Variants in DIP2C observed in about 807,000 individuals in gnomAD.
DIP2C encodes DIP2 acetate--CoA ligase C (putative), also known as disco-interacting protein 2 homolog C.
A neutral mutation model predicts 192.4 loss-of-function variants in DIP2C; 33 were observed. The ratio of observed to expected loss-of-function variants is 0.17; its 90% confidence interval spans 0.13 to 0.23. The LOEUF (loss-of-function observed/expected upper bound fraction) is 0.23, where lower values mean the gene tolerates loss of function less well. Among genes scored for constraint, DIP2C ranks in the 10% least tolerant of loss-of-function variants. The probability of loss-of-function intolerance (pLI) is 1.00; values close to 1 mark genes in which losing one functional copy is unlikely to be tolerated. For missense variants in DIP2C, 1,537 were observed against 2,110.1 expected (o/e 0.73, Z 5.32); for synonymous variants, 979 against 864.1 (o/e 1.13, Z -2.33).
chr10:583,370 A>T (rs747511367), intron 1 of DIP2C, among the ~76,000 whole-genome samples: 1 of 152,260 alleles, frequency 6.6e-6, no homozygotes, highest in Non-Finnish European at 1.5e-5. Flanking sequence ...GAATTATCCC[A>T]GGGAGCCTGT....
chr10:447,783 G>C (rs1968400958), intron 3 of DIP2C, among the ~76,000 whole-genome samples: 1 of 115,284 alleles, frequency 8.7e-6, no homozygotes, highest in South Asian at 2.7e-4. Context: ...CTATACTCAG[G>C]ATCACACACA....
intron 6 of DIP2C, among the ~76,000 whole-genome samples, chr10:418,027 TGTCC>T: frequency 1.6e-5 from 1 of 62,680 alleles, no homozygotes; most frequent in African/African-American, 6.2e-5. Flanking sequence ...CAGGCCTCCC[TGTCC>T]ACCTGTTCCT....
chr10:504,960 TCA>T (rs1339484036), intron 1 of DIP2C, among the ~76,000 whole-genome samples: 2 of 152,170 alleles, frequency 1.3e-5, no homozygotes, highest in Admixed American at 6.5e-5. Flanking sequence ...CATGTGACTC[TCA>T]GTGCTAGGTT....
rs375103154 is a variant in DIP2C, at chr10:562,230, G to A, written c.86-75700C>T. Among the ~76,000 whole-genome samples the A allele has an allele frequency of 6.6e-5, 10 of 152,280 alleles. No homozygotes were observed. The East Asian group carries it at 7.7e-4, about 12-fold the overall frequency. On this transcript the variant is annotated intron_variant, in intron 1 of 36. Transcript: ENST00000280886. ...TGTTTAACACACACAGAGGATCCAC[G>A]TCAAAGGATTTTCCCTGTTCACCAA...
At chr10:290,874 C>A (rs1288983150) in intron 32 of DIP2C, among the ~76,000 whole-genome samples, 1 of 152,216 alleles carries the variant, frequency 6.6e-6, no homozygotes, top group Non-Finnish European at 1.5e-5. Context: ...CGTTTGAGAT[C>A]CTGTCGCTGG....
At chr10:560,460 G>T (rs1849146646) in intron 1 of DIP2C, among the ~76,000 whole-genome samples, 1 of 152,130 alleles carries the variant, frequency 6.6e-6, no homozygotes, top group South Asian at 2.1e-4. Context: ...TAATGTATCA[G>T]CACACAGACT....
chr10:521,886 C>A (rs189031030), intron 1 of DIP2C, among the ~76,000 whole-genome samples: 2 of 152,106 alleles, frequency 1.3e-5, no homozygotes, highest in East Asian at 1.9e-4. Flanking sequence ...TCCCCCACCC[C>A]CACCGGACCA....
In DIP2C at chr10:392,584, C is replaced by T. The variant is rs1025489998; in HGVS notation, c.1261-1721G>A. Among the ~76,000 whole-genome samples the T allele has an allele frequency of 4.6e-5, 7 of 152,324 alleles. No homozygotes were observed. In the East Asian group the frequency reaches 1.2e-3, roughly 25 times the overall value. ...GAGTGCCCCCCGCGGCCCCGTCAGACGCCAGCCCTCAGCACAGCTCTGCCC... is the reference window on the plus strand; with the variant it reads ...GAGTGCCCCCCGCGGCCCCGTCAGATGCCAGCCCTCAGCACAGCTCTGCCC... On this transcript the variant is annotated intron_variant, in intron 10 of 36. Transcript: ENST00000280886.
rs148195280 is a variant in DIP2C, at chr10:277,393, G to A, written c.4603C>T (p.Arg1535Cys). The change falls in exon 37 of 37, where the codon CGC becomes TGC. Residue 1535 changes from arginine (R) to cysteine (C), a missense_variant. Transcript: ENST00000280886. ...IPINSRGEKQ[R>C]MHLRDGFLAD... Reference sequence around the variant, plus strand: ...AAAAACCCGTCTCGCAGGTGCATGCGCTGCTTCTCCCCACGGGAGTTGATG... The same window carrying A: ...AAAAACCCGTCTCGCAGGTGCATGCACTGCTTCTCCCCACGGGAGTTGATG... The A allele has an allele frequency of 2.5e-6, 4 of 1,614,052 alleles. No homozygotes were observed. In the African/African-American group the frequency reaches 5.3e-5, roughly 22 times the overall value.
At chr10:372,718 A>T (rs1371819714) in intron 17 of DIP2C, among the ~76,000 whole-genome samples, 263 of 150,284 alleles carry the variant, frequency 1.8e-3, no homozygotes, top group African/African-American at 5.1e-3. Flanking sequence ...GAAGCGCAGG[A>T]GGTCCCAACA....
At chr10:572,065 C>G (rs553615823) in intron 1 of DIP2C, among the ~76,000 whole-genome samples, 1 of 152,216 alleles carries the variant, frequency 6.6e-6, no homozygotes, top group African/African-American at 2.4e-5. Context: ...GTTTTCCTCT[C>G]TGAAAGGAGA....
intron 1 of DIP2C, among the ~76,000 whole-genome samples, chr10:647,485 CATTGG>C (rs1855521011): frequency 6.8e-6 from 1 of 147,710 alleles, no homozygotes; most frequent in Non-Finnish European, 1.5e-5. Context: ...TCCACGTCCA[CATTGG>C]ACGGTGGGCG....
rs561297485 is a variant in DIP2C, at chr10:392,997, G to C, written c.1261-2134C>G. Reference sequence around the variant, plus strand: ...GCTGCGGGTCCTCAGTGGGCCTCACGACCTCTGCCGGTGACCCAAGGACGG... The same window carrying C: ...GCTGCGGGTCCTCAGTGGGCCTCACCACCTCTGCCGGTGACCCAAGGACGG... On this transcript the variant is annotated intron_variant, in intron 10 of 36. Transcript: ENST00000280886. Among the ~76,000 whole-genome samples, 3 of 152,304 alleles carry C rather than the reference G, an allele frequency of 2.0e-5. No homozygotes were observed. The South Asian group carries it at 6.2e-4, about 32-fold the overall frequency.
chr10:291,709 C>A (rs570599256), intron 32 of DIP2C, among the ~76,000 whole-genome samples: 1 of 152,334 alleles, frequency 6.6e-6, no homozygotes, highest in African/African-American at 2.4e-5. Flanking sequence ...AACTGGGGAT[C>A]ATATGCAGAC....
At chr10:317,655 T>G (rs978377833) in intron 31 of DIP2C, among the ~76,000 whole-genome samples, 1 of 152,212 alleles carries the variant, frequency 6.6e-6, no homozygotes, top group African/African-American at 2.4e-5. Flanking sequence ...AGGCGAACAC[T>G]TGAAGCTGTG....
chr10:534,201 AAC>A (rs1441818577), intron 1 of DIP2C, among the ~76,000 whole-genome samples: 1 of 152,148 alleles, frequency 6.6e-6, no homozygotes, highest in Non-Finnish European at 1.5e-5. Flanking sequence ...CAGGCCTCCA[AAC>A]ACAACTCCCA....
At position 389,117 on chromosome 10, in the gene DIP2C, T is replaced by C. The variant is rs185385248; in HGVS notation, c.1597+874A>G. On this transcript the variant is annotated intron_variant, in intron 13 of 36. Coordinates refer to ENST00000280886, the MANE Select transcript of DIP2C (RefSeq NM_014974.3). ...GGTTCTCTGAGGTCTCAAGGGGCCT[T>C]GGGGCATCCCAAGGGATCTCAGGGG... Among the ~76,000 whole-genome samples, 45 of 63,714 alleles carry C rather than the reference T, an allele frequency of 7.1e-4. 1 individual carries two copies. The highest frequency in any genetic ancestry group is 2.3e-3 in the African/African-American group (37 of 16,270). 41.8% of individuals were successfully genotyped at this position (63,714 alleles called of 152,430 possible). A position where few individuals can be genotyped will look rare whatever the true frequency, so the allele number is the denominator to read the frequency against.
intron 1 of DIP2C, among the ~76,000 whole-genome samples, chr10:685,724 G>C (rs562235059): frequency 3.9e-5 from 6 of 152,240 alleles, no homozygotes; most frequent in Admixed American, 3.3e-4. Context: ...CACTTTGGGA[G>C]GTCGAGGCGG....
Position 357,942 on chromosome 10 carries a change from A to T in DIP2C, c.2795-5T>A, listed in dbSNP as rs1201897281. 1 of 1,606,652 alleles carries T rather than the reference A, an allele frequency of 6.2e-7. No individual in the cohort carries two copies. The highest frequency in any genetic ancestry group is 8.5e-7 in the Non-Finnish European group (1 of 1,174,714). On this transcript the variant is annotated splice_region_variant and splice_polypyrimidine_tract_variant and intron_variant, in intron 22 of 36. Transcript: ENST00000280886. The stretch of plus-strand genomic sequence containing the variant: ...TCACAGAGGCAGGGCCGATTTCTAG[A>T]AAGAAACAGAGACATGGCCATGAGG...
Sources: allele counts gnomAD v4.1 joint callset (sites outside exome capture counted in the v4.1 genomes callset), GRCh38; gene constraint gnomAD v4.1.1; transcripts MANE v1.5; gene names NCBI Gene and HGNC (gene_info 2026-07-23, HGNC 2026-07-21).